Variants in RALGAPA1 observed in about 807,000 individuals in gnomAD.
RALGAPA1 encodes the protein ral GTPase-activating protein subunit alpha-1.
RALGAPA1 carries 52 observed loss-of-function variants against 269.6 expected under a neutral mutation model. That is an observed-to-expected ratio of 0.19 (90% CI 0.15 to 0.24). The LOEUF (loss-of-function observed/expected upper bound fraction) is 0.24, where lower values mean the gene tolerates loss of function less well. Among genes scored for constraint, RALGAPA1 ranks in the 10% least tolerant of loss-of-function variants. The pLI, the probability that RALGAPA1 is intolerant of heterozygous loss-of-function variation, is 1.00. For missense variants in RALGAPA1, 1,917 were observed against 3,013.9 expected (o/e 0.64, Z 8.52); for synonymous variants, 817 against 1,008.3 (o/e 0.81, Z 3.60).
Position 35,674,173 on chromosome 14 carries a change from A to C in RALGAPA1, c.4917+7T>G. ...TTTTAAACTAATATTTTATATATTA[A>C]GCTTACCTTAAAAAGCCAAGGTGTA... On this transcript the variant is annotated splice_region_variant and intron_variant, in intron 24 of 41. Coordinates refer to ENST00000680220, the MANE Select transcript of RALGAPA1 (RefSeq NM_001346249.2). 6.3e-7 allele frequency: 1 copy of C among 1,582,200 alleles called. No individual in the cohort carries two copies. Among genetic ancestry groups the C allele is most frequent in the Non-Finnish European group, 8.7e-7 (1 of 1,155,216 alleles).
At chr14:35,701,061 A>G (rs138824760) in intron 16 of RALGAPA1, among the ~76,000 whole-genome samples, 3 of 152,332 alleles carry the variant, frequency 2.0e-5, no homozygotes, top group Admixed American at 1.3e-4. Flanking sequence ...AAAGCTTTAA[A>G]CTGGATTACT....
chr14:35,663,571 T>G (rs890228981), intron 27 of RALGAPA1, among the ~76,000 whole-genome samples: 1 of 151,520 alleles, frequency 6.6e-6, no homozygotes, highest in Admixed American at 6.6e-5. Flanking sequence ...TTCTCAGGAC[T>G]GTTAAACCCT....
At chr14:35,592,480 G>A (rs559263392) in intron 37 of RALGAPA1, among the ~76,000 whole-genome samples, 25 of 152,270 alleles carry the variant, frequency 1.6e-4, no homozygotes, top group African/African-American at 5.5e-4. Flanking sequence ...GAGTGAAGGG[G>A]AATACTTCCA....
At chr14:35,634,153 G>A (rs189079833) in intron 33 of RALGAPA1, among the ~76,000 whole-genome samples, 1 of 152,194 alleles carries the variant, frequency 6.6e-6, no homozygotes, top group South Asian at 2.1e-4. Flanking sequence ...AGAAGTACAT[G>A]TTGAGTATCC....
At chr14:35,698,101 C>G (rs2067041567) in intron 17 of RALGAPA1, among the ~76,000 whole-genome samples, 2 of 152,092 alleles carry the variant, frequency 1.3e-5, no homozygotes. Context: ...TGACTGATGT[C>G]TCAACACCAT....
At chr14:35,648,534 G>A (rs2062607870) in intron 31 of RALGAPA1, among the ~76,000 whole-genome samples, 1 of 151,588 alleles carries the variant, frequency 6.6e-6, no homozygotes, top group Non-Finnish European at 1.5e-5. Flanking sequence ...TGTAATCCCA[G>A]CACTTAGGGA....
In RALGAPA1 at chr14:35,777,696, G is replaced by A. The variant is rs1033285867; in HGVS notation, c.107-1951C>T. Among the ~76,000 whole-genome samples the A allele has an allele frequency of 5.3e-5, 8 of 152,174 alleles. No homozygotes were observed. In the South Asian group the frequency reaches 8.3e-4, roughly 16 times the overall value. ...TCCTGCCTCAGACTCCCGAGTAGCTGGGATTACAGGTGCCCACTATCACAC... is the reference window on the plus strand; with the variant it reads ...TCCTGCCTCAGACTCCCGAGTAGCTAGGATTACAGGTGCCCACTATCACAC... On this transcript the variant is annotated intron_variant, in intron 1 of 41. Coordinates refer to ENST00000680220, the MANE Select transcript of RALGAPA1 (RefSeq NM_001346249.2).
At chr14:35,622,933 T>C (rs559979462) in intron 35 of RALGAPA1, among the ~76,000 whole-genome samples, 1 of 152,190 alleles carries the variant, frequency 6.6e-6, no homozygotes, top group African/African-American at 2.4e-5. Flanking sequence ...ACCCTGTCTC[T>C]TATACTAAAA....
intron 16 of RALGAPA1, among the ~76,000 whole-genome samples, chr14:35,703,083 C>T (rs1347697969): frequency 6.6e-6 from 1 of 152,102 alleles, no homozygotes; most frequent in Non-Finnish European, 1.5e-5. Context: ...TTTCCCAACA[C>T]AGACTTGAAG....
rs200153518 is a variant in RALGAPA1, at chr14:35,540,745, ATTTTCT to A, written c.*24-1061_*24-1056del. ...TTTTCTGGGTCTTAAGTACATGAAA[ATTTTCT>A]TTATGTGTTTTACAAACAAAAACAC... On this transcript the variant is annotated intron_variant, in intron 41 of 41. Coordinates refer to ENST00000680220, the MANE Select transcript of RALGAPA1 (RefSeq NM_001346249.2). 8.9e-3 allele frequency among the ~76,000 whole-genome samples: 1,353 copies of A among 152,212 alleles called. 21 individuals carry two copies. The highest frequency in any genetic ancestry group is 0.031 in the African/African-American group (1,289 of 41,528).
At chr14:35,752,636 G>A (rs968020656) in intron 7 of RALGAPA1, among the ~76,000 whole-genome samples, 6 of 152,110 alleles carry the variant, frequency 3.9e-5, no homozygotes, top group African/African-American at 7.2e-5. Flanking sequence ...TGAGGAGGGT[G>A]TCCATGAAGT....
chr14:35,793,399 G>T (rs1264083589), intron 1 of RALGAPA1, among the ~76,000 whole-genome samples: 2 of 151,884 alleles, frequency 1.3e-5, no homozygotes, highest in African/African-American at 4.8e-5. Context: ...CACCATGCCC[G>T]ACTAATTTTG....
chr14:35,782,811 C>T (rs1484819260), intron 1 of RALGAPA1, among the ~76,000 whole-genome samples: 2 of 151,818 alleles, frequency 1.3e-5, no homozygotes, highest in Admixed American at 6.6e-5. Flanking sequence ...TGCAAGTGAC[C>T]CAGAATAGTC....
intron 33 of RALGAPA1, among the ~76,000 whole-genome samples, 153 bp downstream of exon 33, chr14:35,634,417 ATTTC>A (rs1249096118): frequency 2.0e-5 from 3 of 152,244 alleles, no homozygotes; most frequent in African/African-American, 4.8e-5. Flanking sequence ...ATGTGAAGTT[ATTTC>A]TTTAATTAAT....
intron 39 of RALGAPA1, among the ~76,000 whole-genome samples, chr14:35,555,637 G>C (rs2055527740): frequency 6.6e-6 from 1 of 152,176 alleles, no homozygotes; most frequent in Admixed American, 6.5e-5. Flanking sequence ...GTTTGAACTA[G>C]AGGAAGGATA....
chr14:35,659,271 G>A lies in RALGAPA1; in HGVS notation c.5329-75C>T, dbSNP rs927963686. The A allele has an allele frequency of 4.5e-6, 5 of 1,102,228 alleles. No individual in the cohort carries two copies. In the African/African-American group the frequency reaches 7.8e-5, roughly 17 times the overall value. 68.3% of individuals were successfully genotyped at this position (1,102,228 alleles called of 1,614,324 possible). Reference sequence around the variant, plus strand: ...TCATTCTACAAATATTTATTAAGTGGTTATTAAAGCAGTCTTTGTTCTCAT... The same window carrying A: ...TCATTCTACAAATATTTATTAAGTGATTATTAAAGCAGTCTTTGTTCTCAT... On this transcript the variant is annotated intron_variant, in intron 27 of 41. Coordinates refer to ENST00000680220, the MANE Select transcript of RALGAPA1 (RefSeq NM_001346249.2).
intron 33 of RALGAPA1, among the ~76,000 whole-genome samples, chr14:35,628,181 C>T (rs1050423570): frequency 1.3e-5 from 2 of 151,988 alleles, no homozygotes; most frequent in South Asian, 2.1e-4. Flanking sequence ...TAATTTAAAC[C>T]AAGGCCTTTA....
intron 39 of RALGAPA1, among the ~76,000 whole-genome samples, chr14:35,558,252 T>C (rs1469411388): frequency 1.3e-5 from 2 of 152,212 alleles, no homozygotes; most frequent in African/African-American, 2.4e-5. Context: ...CTAATTTATC[T>C]TTAGTGGATT....
chr14:35,630,189 G>A (rs1286750688), intron 33 of RALGAPA1, among the ~76,000 whole-genome samples: 3 of 152,134 alleles, frequency 2.0e-5, no homozygotes, highest in South Asian at 4.1e-4. Context: ...TTGGGCTTTG[G>A]TTGATTTTAA....
Sources: gnomAD v4.1 joint callset for allele counts (sites outside exome capture counted in the v4.1 genomes callset) on GRCh38, gnomAD v4.1.1 for gene constraint, MANE v1.5 for transcripts, NCBI Gene and HGNC (gene_info 2026-07-23, HGNC 2026-07-21) for gene names.